The following RIC1 variants were observed in gnomAD, a reference collection of about 807,000 sequenced individuals.
The protein encoded by RIC1 is RIC1 partner of RAB6A GEF complex.
RIC1 carries 88 observed loss-of-function variants against 169.0 expected under a neutral mutation model. That is an observed-to-expected ratio of 0.52 (90% CI 0.44 to 0.62). The LOEUF is 0.62. RIC1 is among the 20% of genes least tolerant of loss of function. The pLI, the probability that RIC1 is intolerant of heterozygous loss-of-function variation, is 0.00. For synonymous variants in RIC1, 790 were observed against 601.5 expected, an observed-to-expected ratio of 1.31 and a Z score of -4.59; for missense variants, 1,877 against 1,725.5, an observed-to-expected ratio of 1.09 and a Z score of -1.56.
intron 3 of RIC1, among the ~76,000 whole-genome samples, chr9:5,696,701 T>C (rs1240341193): frequency 6.6e-6 from 1 of 152,256 alleles, no homozygotes; most frequent in Non-Finnish European, 1.5e-5. Context: ...CCAGTTGTCC[T>C]GTATCTCTTG....
At chr9:5,706,383 C>T (rs373585010) in intron 3 of RIC1, among the ~76,000 whole-genome samples, 2 of 152,050 alleles carry the variant, frequency 1.3e-5, no homozygotes, top group Non-Finnish European at 2.9e-5. Context: ...ACCAGGGAGT[C>T]GGAGGTTGCG....
Position 5,654,051 on chromosome 9 carries a change from G to C in RIC1, c.145-2532G>C, listed in dbSNP as rs551740750. On this transcript the variant is annotated intron_variant, in intron 1 of 25. Transcript: ENST00000414202. ...ATCTTACTCTATCACTTAGGCTGGA[G>C]TGCAGTGACATGATCTCAGCTCACT... 3.9e-5 allele frequency among the ~76,000 whole-genome samples: 6 copies of C among 152,120 alleles called. No homozygotes were observed. The South Asian group carries it at 8.3e-4, about 21-fold the overall frequency.
intron 6 of RIC1, among the ~76,000 whole-genome samples, chr9:5,727,703 A>G (rs1230633006): frequency 6.6e-6 from 1 of 152,118 alleles, no homozygotes; most frequent in Non-Finnish European, 1.5e-5. Flanking sequence ...GATGATGCTG[A>G]CATACATATG....
intron 7 of RIC1, among the ~76,000 whole-genome samples, chr9:5,733,441 A>T (rs988616169): frequency 2.6e-5 from 4 of 151,058 alleles, no homozygotes; most frequent in Admixed American, 2.0e-4. Context: ...TTTTTTTTGT[A>T]TTTTTTTAGT....
At chr9:5,642,344 A>T (rs1287703604) in intron 1 of RIC1, among the ~76,000 whole-genome samples, 1 of 144,640 alleles carries the variant, frequency 6.9e-6, no homozygotes, top group Non-Finnish European at 1.5e-5. Flanking sequence ...GTTAGACCTG[A>T]AGCCAGCAGA....
intron 24 of RIC1, 65 bp from the exon 25 acceptor site, chr9:5,772,827 T>C (rs925717415): frequency 5.8e-6 from 9 of 1,555,204 alleles, no homozygotes; most frequent in South Asian, 2.4e-5. Flanking sequence ...CTAATAATCA[T>C]TGCACTTCTG....
chr9:5,745,815 C>G, intron 10 of RIC1, 116 bp from the exon 11 acceptor site: 1 of 863,904 alleles, frequency 1.2e-6, no homozygotes, highest in Non-Finnish European at 1.7e-6. Flanking sequence ...CCAACCTTCA[C>G]AAATCATTAA....
intron 1 of RIC1, among the ~76,000 whole-genome samples, chr9:5,646,287 C>T (rs182985819): frequency 6.6e-5 from 10 of 152,132 alleles, no homozygotes; most frequent in Admixed American, 3.3e-4. Flanking sequence ...TGAGTTGTAA[C>T]GCTTCATGTA....
chr9:5,723,809 A>G (rs891307683), intron 6 of RIC1, among the ~76,000 whole-genome samples: 2 of 152,246 alleles, frequency 1.3e-5, no homozygotes, highest in African/African-American at 4.8e-5. Flanking sequence ...CATTTATTAA[A>G]TAGAGAATCC....
intron 2 of RIC1, among the ~76,000 whole-genome samples, chr9:5,676,979 C>T (rs1461333277): frequency 6.6e-6 from 1 of 152,226 alleles, no homozygotes; most frequent in Admixed American, 6.5e-5. Context: ...AACAAAACTA[C>T]ATGAACATTG....
intron 6 of RIC1, among the ~76,000 whole-genome samples, chr9:5,727,344 G>C (rs1331826506): frequency 6.6e-6 from 1 of 152,090 alleles, no homozygotes; most frequent in Non-Finnish European, 1.5e-5. Flanking sequence ...ACTGAAGCTT[G>C]TGCAGGCATC....
intron 2 of RIC1, among the ~76,000 whole-genome samples, chr9:5,679,317 A>G (rs1820661648): frequency 6.6e-6 from 1 of 152,178 alleles, no homozygotes; most frequent in Admixed American, 6.5e-5. Context: ...TGTCTTGGCA[A>G]TGCAGGCTCT....
At chr9:5,651,082 A>G (rs7025583) in intron 1 of RIC1, among the ~76,000 whole-genome samples, 50,550 of 151,972 alleles carry the variant, frequency 0.33, 8,967 homozygotes, top group East Asian at 0.6. Flanking sequence ...GTGTCATCAC[A>G]TGGTCTCTAA....
intron 8 of RIC1, 60 bp from the exon 9 acceptor site, chr9:5,742,809 A>AC: frequency 1.4e-6 from 2 of 1,457,820 alleles, no homozygotes; most frequent in Non-Finnish European, 1.9e-6. Flanking sequence ...AAAAAAAAAA[A>AC]AAAACAAGTA....
intron 4 of RIC1, among the ~76,000 whole-genome samples, chr9:5,715,452 A>C (rs1823175092): frequency 6.6e-6 from 1 of 152,230 alleles, no homozygotes; most frequent in Non-Finnish European, 1.5e-5. Flanking sequence ...TTTCTCTCAA[A>C]ACTCCAGTGA....
At chr9:5,649,048 T>C (rs114575125) in intron 1 of RIC1, among the ~76,000 whole-genome samples, 219 of 152,220 alleles carry the variant, frequency 1.4e-3, no homozygotes, top group African/African-American at 5.0e-3. Flanking sequence ...AGTGGGAGAA[T>C]CATTTGAGCC....
rs533702108 is a variant in RIC1 at position 5,689,293 on chromosome 9, T to C, written c.253-666T>C. On this transcript the variant is annotated intron_variant, in intron 2 of 25. Transcript: ENST00000414202. ...GTCTTGATCTCCTGACCTCGTGATCTGCCCGCCTTGGCCTCCCAAAATACT... is the reference window on the plus strand; with the variant it reads ...GTCTTGATCTCCTGACCTCGTGATCCGCCCGCCTTGGCCTCCCAAAATACT... Among the ~76,000 whole-genome samples, 987 of 152,140 alleles carry C rather than the reference T, an allele frequency of 6.5e-3. 9 individuals are homozygous for C. The highest frequency in any genetic ancestry group is 8.7e-3 in the Non-Finnish European group (593 of 67,966).
rs1277690140 is a variant in RIC1 at position 5,774,570 on chromosome 9, T to G, written c.*324T>G. Reference sequence around the variant, plus strand: ...GTTTTGCCCCAGGTGAGCTTACTTTTTCACTACTTACATCTTCTCACATTT... The same window carrying G: ...GTTTTGCCCCAGGTGAGCTTACTTTGTCACTACTTACATCTTCTCACATTT... On this transcript the variant is annotated 3_prime_UTR_variant, in exon 26 of 26. Coordinates refer to ENST00000414202, the MANE Select transcript of RIC1 (RefSeq NM_020829.4). 5.1e-6 allele frequency: 1 copy of G among 196,774 alleles called. No homozygotes were observed. Among genetic ancestry groups the G allele is most frequent in the Non-Finnish European group, 1.0e-5 (1 of 96,988 alleles). 12.2% of individuals were successfully genotyped at this position (196,774 alleles called of 1,614,324 possible). A position where few individuals can be genotyped will look rare whatever the true frequency, so the allele number is the denominator to read the frequency against.
chr9:5,681,948 A>G (rs571459196), intron 2 of RIC1, among the ~76,000 whole-genome samples: 5 of 152,150 alleles, frequency 3.3e-5, no homozygotes, highest in Admixed American at 1.3e-4. Context: ...TTGTTGGTTT[A>G]AAGTCTGTTT....
Sources: allele counts gnomAD v4.1 joint callset (sites outside exome capture counted in the v4.1 genomes callset), GRCh38; gene constraint gnomAD v4.1.1; transcripts MANE v1.5; gene names NCBI Gene and HGNC (gene_info 2026-07-23, HGNC 2026-07-21).